The following DIP2A variants were observed in gnomAD, a reference collection of about 807,000 sequenced individuals.
DIP2A encodes the protein disco-interacting protein 2 homolog A.
Under a neutral mutation model 177.4 loss-of-function variants are expected in DIP2A, and 85 were observed. The observed-to-expected ratio is 0.48, with a 90% CI of 0.40 to 0.57. The LOEUF (loss-of-function observed/expected upper bound fraction) is 0.57. Among genes scored for constraint, DIP2A ranks in the 20% least tolerant of loss-of-function variants. The pLI, the probability that DIP2A is intolerant of heterozygous loss-of-function variation, is 0.00. For synonymous variants in DIP2A, 886 were observed against 881.8 expected (o/e 1.00, Z -0.08); for missense variants, 1,791 against 2,100.2 (o/e 0.85, Z 2.88).
chr21:46,511,154 G>A (rs996362049), intron 7 of DIP2A, among the ~76,000 whole-genome samples: 4 of 151,988 alleles, frequency 2.6e-5, no homozygotes, highest in Non-Finnish European at 5.9e-5. Flanking sequence ...CCACTCCAAG[G>A]TCACCTTTGT....
the DIP2A span, among the ~76,000 whole-genome samples, chr21:46,580,062 C>T: frequency 1.6e-4 from 24 of 152,006 alleles, no homozygotes; most frequent in African/African-American, 2.9e-4. Flanking sequence ...TAAAGTCTCC[C>T]GCTATTATTG....
chr21:46,526,301 TG>T (rs1327045703), intron 8 of DIP2A, among the ~76,000 whole-genome samples: 1 of 152,032 alleles, frequency 6.6e-6, no homozygotes, highest in Non-Finnish European at 1.5e-5. Flanking sequence ...TGGTTTTCTG[TG>T]GGGAGATTTT....
Position 46,529,104 on chromosome 21 carries a change from G to A in DIP2A, c.1115G>A (p.Ser372Asn), listed in dbSNP as rs16979312. The A allele has an allele frequency of 8.9e-3, 13,449 of 1,509,254 alleles. 895 individuals are homozygous for A. The African/African-American group carries it at 0.16, about 18-fold the overall frequency. 93.5% of individuals were successfully genotyped at this position (1,509,254 alleles called of 1,614,324 possible). ...VYTLTYGKLWSRSLKLAYTLL... is the reference protein window; with the variant it reads ...VYTLTYGKLWNRSLKLAYTLL... ...TATTTTGTTTTAGGTAAACTTTGGA[G>A]TCGGAGTTTAAAACTAGCTTATACT... Residue 372 changes from serine (S) to asparagine (N), a missense_variant, in exon 9 of 38, where the codon AGT (serine) becomes AAT (asparagine). Physicochemically the swap from Ser to Asn is conservative, Grantham distance 46. Coordinates refer to ENST00000417564, the MANE Select transcript of DIP2A (RefSeq NM_015151.4).
chr21:46,530,874 T>C (rs2059328087), intron 9 of DIP2A, among the ~76,000 whole-genome samples: 1 of 152,116 alleles, frequency 6.6e-6, no homozygotes. Flanking sequence ...GGATTTCTCA[T>C]TGGTAAAACT....
chr21:46,461,992 G>A (rs182376259), intron 1 of DIP2A, among the ~76,000 whole-genome samples: 19 of 152,234 alleles, frequency 1.2e-4, no homozygotes, highest in Non-Finnish European at 2.5e-4. Context: ...ACGAGGTTGT[G>A]AGCCTTTATA....
At chr21:46,493,461 T>G (rs2057136302) in intron 3 of DIP2A, among the ~76,000 whole-genome samples, 1 of 152,198 alleles carries the variant, frequency 6.6e-6, no homozygotes. Flanking sequence ...TAAGTCCTTG[T>G]GTGGAAATGC....
intron 9 of DIP2A, among the ~76,000 whole-genome samples, chr21:46,531,420 T>C (rs1404060906): frequency 6.6e-6 from 1 of 152,152 alleles, no homozygotes; most frequent in Non-Finnish European, 1.5e-5. Flanking sequence ...AGAAAGGAAA[T>C]GTGTACTTGG....
chr21:46,527,622 A>G (rs1365874801), intron 8 of DIP2A, among the ~76,000 whole-genome samples: 1 of 151,692 alleles, frequency 6.6e-6, no homozygotes, highest in Non-Finnish European at 1.5e-5. Context: ...CACCGTGCCC[A>G]GTCTAGTATT....
At chr21:46,539,486 C>T in intron 16 of DIP2A, 1 of 321,342 alleles carries the variant, frequency 3.1e-6, no homozygotes, top group South Asian at 2.6e-5. Context: ...ACCCCAGGCG[C>T]ACCGCCACTC....
rs1296143510 is a variant in DIP2A, at chr21:46,566,525, C to A, written c.4340-35C>A. The A allele has an allele frequency of 6.2e-6, 10 of 1,613,396 alleles. No individual in the cohort carries two copies. In the African/African-American group the frequency reaches 1.1e-4, roughly 17 times the overall value. The stretch of plus-strand genomic sequence containing the variant: ...AATGTCCAGACTCTGCATGCCTTGG[C>A]TTTCTGGGCACGTGTAAACACACAC... On this transcript the variant is annotated intron_variant, in intron 36 of 37. Transcript: ENST00000417564.
intron 1 of DIP2A, among the ~76,000 whole-genome samples, chr21:46,464,775 G>A (rs1362569546): frequency 7.0e-6 from 1 of 142,386 alleles, no homozygotes; most frequent in Admixed American, 7.6e-5. Flanking sequence ...CAACACTGCT[G>A]CATTGGGCAC....
At chr21:46,560,844 G>C in intron 33 of DIP2A, 61 bp downstream of exon 33, 1 of 1,558,778 alleles carries the variant, frequency 6.4e-7, no homozygotes, top group East Asian at 2.4e-5. Context: ...TGCAAACCAG[G>C]TCTGCACTGA....
intron 1 of DIP2A, among the ~76,000 whole-genome samples, chr21:46,461,443 C>A (rs940881966): frequency 6.6e-6 from 1 of 152,000 alleles, no homozygotes; most frequent in East Asian, 1.9e-4. Flanking sequence ...AGTTTAGATT[C>A]TGTGCATTTC....
At chr21:46,486,921 A>G (rs2056733882) in intron 2 of DIP2A, among the ~76,000 whole-genome samples, 1 of 152,230 alleles carries the variant, frequency 6.6e-6, no homozygotes, top group Non-Finnish European at 1.5e-5. Flanking sequence ...GCAAGAATGA[A>G]TCTTGTAAAC....
chr21:46,459,351 C>T (rs2054071744), intron 1 of DIP2A, 129 bp downstream of exon 1: 7 of 710,182 alleles, frequency 9.9e-6, no homozygotes, highest in Non-Finnish European at 1.5e-5. Flanking sequence ...GGGACCCCCA[C>T]GCGGCCTCGC....
At chr21:46,560,332 G>T (rs1468515925) in intron 32 of DIP2A, among the ~76,000 whole-genome samples, 1 of 152,228 alleles carries the variant, frequency 6.6e-6, no homozygotes, top group Non-Finnish European at 1.5e-5. Flanking sequence ...AGCAGTCCCC[G>T]GTAGAATTAG....
At chr21:46,534,894 G>A (rs1039807456) in intron 13 of DIP2A, among the ~76,000 whole-genome samples, 1 of 152,162 alleles carries the variant, frequency 6.6e-6, no homozygotes. Flanking sequence ...GAGGGCACAC[G>A]GTGTCTCTTA....
intron 1 of DIP2A, among the ~76,000 whole-genome samples, chr21:46,461,285 A>AAAAAAAAAAAAAAAAAAAAG (rs1325712047): frequency 6.7e-6 from 1 of 149,492 alleles, no homozygotes; most frequent in Non-Finnish European, 1.5e-5. Flanking sequence ...AAAAAAAAAA[A>AAAAAAAAAAAAAAAAAAAAG]AAAAAAAAGG....
rs1395247530 is a variant in DIP2A at position 46,558,222 on chromosome 21, G to T, written c.3799-1G>T. 6.2e-7 allele frequency: 1 copy of T among 1,609,096 alleles called. No homozygotes were observed. Among genetic ancestry groups the T allele is most frequent in the East Asian group, 2.2e-5 (1 of 44,798 alleles). ...GGCCTGACCGCTCACCCCTCCCGCA[G>T]ATGAAGGGGGTGAACCTGTCATGTG... On this transcript the variant is annotated splice_acceptor_variant, in intron 31 of 37. Transcript: ENST00000417564. LOFTEE classifies it high-confidence loss of function.
Sources: gnomAD v4.1 joint callset for allele counts (sites outside exome capture counted in the v4.1 genomes callset) on GRCh38, gnomAD v4.1.1 for gene constraint, MANE v1.5 for transcripts, NCBI Gene and HGNC (gene_info 2026-07-23, HGNC 2026-07-21) for gene names.